The following CCM2 variants were observed in gnomAD, a reference collection of about 807,000 sequenced individuals.
The protein encoded by CCM2 is cerebral cavernous malformations 2 protein.
CCM2 carries 25 observed loss-of-function variants against 44.9 expected under a neutral mutation model. That is an observed-to-expected ratio of 0.56 (90% CI 0.41 to 0.78). CCM2 has a LOEUF of 0.78. CCM2 is among the 30% of genes least tolerant of loss of function. The probability of loss-of-function intolerance (pLI) is 0.00; values close to 1 mark genes in which losing one functional copy is unlikely to be tolerated. For missense variants in CCM2, 481 were observed against 580.6 expected, an observed-to-expected ratio of 0.83 and a Z score of 1.76; for synonymous variants, 219 against 241.1, an observed-to-expected ratio of 0.91 and a Z score of 0.85.
chr7:45,027,717 T>C (rs1336005975), intron 1 of CCM2: 2 of 1,614,128 alleles, frequency 1.2e-6, no homozygotes, highest in Non-Finnish European at 1.7e-6. Context: ...GCATAGTAGC[T>C]GTCGGCAGAG....
rs1798671025 is a variant in CCM2 at position 45,064,475 on chromosome 7, C to T, written c.301C>T (p.Leu101Phe). 1 of 1,613,188 alleles carries T rather than the reference C, an allele frequency of 6.2e-7. No homozygotes were observed. Among genetic ancestry groups the T allele is most frequent in the African/African-American group, 1.3e-5 (1 of 74,924 alleles). Reference protein sequence around the residue: ...FIDNAKRAHQLPGHLTQEHDA... With the variant: ...FIDNAKRAHQFPGHLTQEHDA... ...TGGTTCCTTCCAGAGAGCCCACCAG[C>T]TTCCGGGACACTTGACTCAGGAGCA... The change falls in exon 4 of 10, where the codon CTT becomes TTT. Residue 101 changes from leucine to phenylalanine, a missense_variant. Transcript: ENST00000258781.
chr7:45,042,265 C>CACAAAAAAAAAAAA, intron 2 of CCM2, among the ~76,000 whole-genome samples: 1 of 102,418 alleles, frequency 9.8e-6, no homozygotes, highest in South Asian at 3.7e-4. Context: ...GATTCCATCT[C>CACAAAAAAAAAAAA]AAAAAAAAAA....
intron 1 of CCM2, among the ~76,000 whole-genome samples, chr7:45,012,322 C>T (rs541753678): frequency 5.3e-5 from 8 of 151,058 alleles, no homozygotes; most frequent in East Asian, 4.0e-4. Flanking sequence ...TTAGTAGAGA[C>T]GGGGTTTTGC....
At chr7:45,066,319 A>C (rs2128748706) in intron 4 of CCM2, among the ~76,000 whole-genome samples, 1 of 152,228 alleles carries the variant, frequency 6.6e-6, no homozygotes, top group South Asian at 2.1e-4. Flanking sequence ...AAATATTTTA[A>C]AAATTTTTGT....
chr7:45,044,987 T>C (rs892053697), intron 2 of CCM2, among the ~76,000 whole-genome samples: 1 of 152,268 alleles, frequency 6.6e-6, no homozygotes, highest in African/African-American at 2.4e-5. Context: ...ATAGTGCTGT[T>C]CTGAAGGTAT....
intron 2 of CCM2, among the ~76,000 whole-genome samples, chr7:45,053,656 T>G (rs892983908): frequency 1.3e-5 from 2 of 152,198 alleles, no homozygotes; most frequent in African/African-American, 4.8e-5. Flanking sequence ...ACCCCCTTGC[T>G]CCTGGGGAGC....
chr7:45,040,741 C>G (rs1341396441), intron 2 of CCM2, among the ~76,000 whole-genome samples: 3 of 151,886 alleles, frequency 2.0e-5, no homozygotes, highest in Non-Finnish European at 2.9e-5. Flanking sequence ...AATCCCAGCA[C>G]TTTGGGAGGC....
rs748078508 is a variant in CCM2, at chr7:45,000,296, G to A, written c.-38G>A. The A allele has an allele frequency of 1.6e-4, 192 of 1,235,422 alleles. No homozygotes were observed. Among genetic ancestry groups the A allele is most frequent in the Non-Finnish European group, 1.9e-4 (189 of 983,058 alleles). 76.5% of individuals were successfully genotyped at this position (1,235,422 alleles called of 1,614,324 possible). On this transcript the variant is annotated 5_prime_UTR_variant, in exon 1 of 10. Coordinates refer to ENST00000258781, the MANE Select transcript of CCM2 (RefSeq NM_031443.4). ...CGGCTGCTGGCGGCGGGGCTCCCGG[G>A]GCGGGCCGGGCGGGCCGCGGGAGCC...
rs543661128 is a variant in CCM2, at chr7:45,065,431, T to C, written c.472+785T>C. On this transcript the variant is annotated intron_variant, in intron 4 of 9. Transcript: ENST00000258781. ...ACTGGGTTGATCCCAAAGCCTTTCA[T>C]TTCCAGAGGGCCAGTGGCAGGGTGT... is the stretch of plus-strand genomic sequence containing the variant. Among the ~76,000 whole-genome samples the C allele has an allele frequency of 5.3e-5, 8 of 152,324 alleles. No homozygotes were observed. The East Asian group carries it at 1.5e-3, about 29-fold the overall frequency.
chr7:45,048,088 A>G (rs1252689072), intron 2 of CCM2, among the ~76,000 whole-genome samples: 1 of 152,220 alleles, frequency 6.6e-6, no homozygotes, highest in African/African-American at 2.4e-5. Context: ...ATTGATAAGC[A>G]ATAGGAATAT....
At chr7:45,032,306 C>T (rs1192829450) in intron 1 of CCM2, among the ~76,000 whole-genome samples, 1 of 152,022 alleles carries the variant, frequency 6.6e-6, no homozygotes, top group Non-Finnish European at 1.5e-5. Flanking sequence ...TTAAAATGTT[C>T]GTGATTTGGA....
In CCM2 at chr7:45,074,182, C is replaced by T. The variant is rs571978810; in HGVS notation, c.916-88C>T. The T allele has an allele frequency of 1.8e-4, 288 of 1,599,058 alleles. 1 individual carries two copies. Among genetic ancestry groups the T allele is most frequent in the Admixed American group, 1.2e-3 (71 of 58,984 alleles). On this transcript the variant is annotated intron_variant, in intron 8 of 9. Transcript: ENST00000258781. Reference sequence around the variant, plus strand: ...AAGCCAGAGACAGCTGGTGCTCTGGCTGGGGTTAGTGGCTGTGGCAAGGTG... The same window carrying T: ...AAGCCAGAGACAGCTGGTGCTCTGGTTGGGGTTAGTGGCTGTGGCAAGGTG...
In CCM2 at chr7:45,072,785, T is replaced by TGAGTGCA. The variant is rs1799141957; in HGVS notation, c.803+3_803+9dup. On this transcript the variant is annotated splice_region_variant and intron_variant, in intron 7 of 9. Transcript: ENST00000258781. ...CTACGAGGTGGAAGCCAGCACTTTG[T>TGAGTGCA]GAGTGCACATGCCACCAAGCCCTGC... is the stretch of plus-strand genomic sequence containing the variant. The TGAGTGCA allele has an allele frequency of 6.2e-7, 1 of 1,610,516 alleles. No individual in the cohort carries two copies. Among genetic ancestry groups the TGAGTGCA allele is most frequent in the African/African-American group, 1.3e-5 (1 of 74,976 alleles).
At chr7:45,069,750 C>G in intron 5 of CCM2, 76 bp from the exon 6 acceptor site, 2 of 1,590,486 alleles carry the variant, frequency 1.3e-6, no homozygotes, top group Non-Finnish European at 1.7e-6. Flanking sequence ...TGGGCTGCCC[C>G]AGGTATCCTG....
chr7:45,012,383 C>T (rs956531665), intron 1 of CCM2, among the ~76,000 whole-genome samples: 1 of 152,060 alleles, frequency 6.6e-6, no homozygotes, highest in Non-Finnish European at 1.5e-5. Flanking sequence ...ATCCACCCGC[C>T]TCGGCCTCCC....
chr7:45,074,945 C>T (rs941906166), intron 9 of CCM2, among the ~76,000 whole-genome samples: 6 of 152,288 alleles, frequency 3.9e-5, no homozygotes, highest in Non-Finnish European at 7.4e-5. Context: ...TTCCCTCTGC[C>T]GACACTTAGA....
intron 2 of CCM2, among the ~76,000 whole-genome samples, chr7:45,054,305 G>A (rs1798149293): frequency 1.3e-5 from 2 of 152,056 alleles, no homozygotes; most frequent in South Asian, 4.1e-4. Flanking sequence ...GGTCACTTCT[G>A]TAGGCACAGT....
intron 1 of CCM2, chr7:45,027,947 G>A (rs1796766335): frequency 1.2e-6 from 1 of 832,782 alleles, no homozygotes; most frequent in Non-Finnish European, 2.0e-6. Flanking sequence ...AGGATGGGGT[G>A]GGTGGAGGGT....
chr7:45,059,554 G>A (rs1005084554), intron 2 of CCM2, among the ~76,000 whole-genome samples: 3 of 152,142 alleles, frequency 2.0e-5, no homozygotes, highest in African/African-American at 4.8e-5. Context: ...AGACCAGCCT[G>A]GGCAACATGG....
Sources: allele counts gnomAD v4.1 joint callset (sites outside exome capture counted in the v4.1 genomes callset), GRCh38; gene constraint gnomAD v4.1.1; transcripts MANE v1.5; gene names NCBI Gene and HGNC (gene_info 2026-07-23, HGNC 2026-07-21).